Variants in SGCZ observed in about 807,000 individuals in gnomAD.
The protein encoded by SGCZ is sarcoglycan zeta.
In SGCZ, 40 loss-of-function variants were observed where a neutral mutation model predicts 41.3. That is an observed-to-expected ratio of 0.97 (90% CI 0.75 to 1.26). The LOEUF (loss-of-function observed/expected upper bound fraction) is 1.26. SGCZ is among the 50% of genes most tolerant of loss of function. SGCZ has a pLI of 0.00. For synonymous variants in SGCZ, 206 were observed against 137.5 expected (o/e 1.50, Z -3.49); for missense variants, 552 against 369.8 (o/e 1.49, Z -4.04).
chr8:14,434,228 C>A lies in SGCZ; in HGVS notation c.235-110024G>T, dbSNP rs566436528. ...AGCACCATTTGTTGAATAGGGTGTC[C>A]TTTCTCCACTTCATGTTTTGTTTGC... On this transcript the variant is annotated intron_variant, in intron 2 of 7. Transcript: ENST00000382080. Among the ~76,000 whole-genome samples the A allele has an allele frequency of 2.1e-4, 32 of 152,170 alleles. No homozygotes were observed. In the South Asian group the frequency reaches 6.6e-3, roughly 32 times the overall value.
chr8:14,228,230 C>T (rs1346625193), intron 4 of SGCZ, among the ~76,000 whole-genome samples: 1 of 152,040 alleles, frequency 6.6e-6, no homozygotes, highest in African/African-American at 2.4e-5. Flanking sequence ...AACTCCAATG[C>T]ACCTGCAATT....
chr8:15,170,146 A>G (rs1799785241), intron 1 of SGCZ, among the ~76,000 whole-genome samples: 1 of 152,078 alleles, frequency 6.6e-6, no homozygotes, highest in African/African-American at 2.4e-5. Context: ...CCATGTGCAG[A>G]CTGAAGTTAT....
At chr8:15,184,589 G>A (rs894632165) in intron 1 of SGCZ, among the ~76,000 whole-genome samples, 7 of 151,770 alleles carry the variant, frequency 4.6e-5, no homozygotes, top group African/African-American at 1.5e-4. Flanking sequence ...CTTGCACTCT[G>A]GCCTCACTAG....
chr8:14,688,861 AT>A (rs1808705545), intron 1 of SGCZ, among the ~76,000 whole-genome samples: 1 of 152,122 alleles, frequency 6.6e-6, no homozygotes, highest in Non-Finnish European at 1.5e-5. Flanking sequence ...TATCTAGAAA[AT>A]CCCATTGTCT....
chr8:14,507,012 C>T (rs1459307512), intron 2 of SGCZ, among the ~76,000 whole-genome samples: 1 of 151,518 alleles, frequency 6.6e-6, no homozygotes, highest in Non-Finnish European at 1.5e-5. Context: ...CATCTCTATG[C>T]TAAGAATTCC....
intron 2 of SGCZ, among the ~76,000 whole-genome samples, chr8:14,481,466 A>G (rs1801532961): frequency 6.6e-6 from 1 of 152,218 alleles, no homozygotes; most frequent in South Asian, 2.1e-4. Flanking sequence ...TTGTGACAGT[A>G]ATAGTAAAAA....
At chr8:14,419,274 A>G (rs1799577097) in intron 2 of SGCZ, among the ~76,000 whole-genome samples, 1 of 151,990 alleles carries the variant, frequency 6.6e-6, no homozygotes, top group South Asian at 2.1e-4. Context: ...CCAGAAAAAA[A>G]TGTCCTAACA....
intron 2 of SGCZ, among the ~76,000 whole-genome samples, chr8:14,528,295 A>G (rs1379249226): frequency 6.6e-6 from 1 of 152,158 alleles, no homozygotes; most frequent in Non-Finnish European, 1.5e-5. Flanking sequence ...GAATTATACC[A>G]TCTGGGATAT....
intron 2 of SGCZ, among the ~76,000 whole-genome samples, chr8:14,466,471 T>G (rs995528093): frequency 6.6e-6 from 1 of 151,992 alleles, no homozygotes; most frequent in Non-Finnish European, 1.5e-5. Flanking sequence ...TTTATTATAC[T>G]TGGAGCCACT....
intron 1 of SGCZ, among the ~76,000 whole-genome samples, chr8:15,085,925 T>G (rs946266420): frequency 6.6e-5 from 10 of 152,156 alleles, no homozygotes; most frequent in Admixed American, 3.3e-4. Flanking sequence ...TGCTACAAAA[T>G]GTGGGTTTCT....
At chr8:14,493,353 T>G in intron 2 of SGCZ, among the ~76,000 whole-genome samples, 1 of 131,498 alleles carries the variant, frequency 7.6e-6, no homozygotes, top group Non-Finnish European at 1.6e-5. Flanking sequence ...CCCACTATCA[T>G]CCTTTCTTTT....
intron 5 of SGCZ, among the ~76,000 whole-genome samples, chr8:14,157,084 C>T (rs1477577050): frequency 6.6e-6 from 1 of 151,806 alleles, no homozygotes; most frequent in Non-Finnish European, 1.5e-5. Context: ...TGACTGGCTG[C>T]AAAGTAGGTT....
At chr8:14,293,732 A>G (rs528229432) in intron 3 of SGCZ, among the ~76,000 whole-genome samples, 1 of 151,950 alleles carries the variant, frequency 6.6e-6, no homozygotes, top group South Asian at 2.1e-4. Flanking sequence ...TTGATCTGAG[A>G]TGTAGAATTC....
chr8:14,235,896 G>T (rs1806741121), intron 4 of SGCZ, among the ~76,000 whole-genome samples: 1 of 152,128 alleles, frequency 6.6e-6, no homozygotes, highest in Non-Finnish European at 1.5e-5. Flanking sequence ...TGTTGGACAG[G>T]ATGATCTCGA....
intron 1 of SGCZ, among the ~76,000 whole-genome samples, chr8:15,064,819 C>T (rs1435406626): frequency 6.6e-6 from 1 of 152,164 alleles, no homozygotes; most frequent in Non-Finnish European, 1.5e-5. Flanking sequence ...CTTGGCAATA[C>T]TCATAGTCTC....
rs1269482011 is a variant in SGCZ, at chr8:14,089,671, T to A, written c.*772A>T. 6.6e-6 allele frequency among the ~76,000 whole-genome samples: 1 copy of A among 152,010 alleles called. No homozygotes were observed. Among genetic ancestry groups the A allele is most frequent in the Non-Finnish European group, 1.5e-5 (1 of 67,984 alleles). ...GAGTAGATGTTTTGTTAAAAGCAAA[T>A]ACGTCACATGCAGTAGCCATGTAAA... On this transcript the variant is annotated 3_prime_UTR_variant, in exon 8 of 8. Coordinates refer to ENST00000382080, the MANE Select transcript of SGCZ (RefSeq NM_139167.4).
At chr8:15,112,294 T>G (rs968914466) in intron 1 of SGCZ, among the ~76,000 whole-genome samples, 1 of 152,226 alleles carries the variant, frequency 6.6e-6, no homozygotes, top group African/African-American at 2.4e-5. Flanking sequence ...TTGTTGCTAT[T>G]TAAATTTGTT....
intron 1 of SGCZ, among the ~76,000 whole-genome samples, chr8:14,732,225 C>T (rs1798880514): frequency 6.6e-6 from 1 of 152,142 alleles, no homozygotes; most frequent in South Asian, 2.1e-4. Flanking sequence ...CTCTCTTCCA[C>T]CAGCTTTAAA....
At chr8:14,111,615 T>A (rs1802374141) in intron 5 of SGCZ, among the ~76,000 whole-genome samples, 1 of 152,196 alleles carries the variant, frequency 6.6e-6, no homozygotes, top group Admixed American at 6.5e-5. Flanking sequence ...CTACAAAGGA[T>A]GTTTCAGATA....
Sources: allele counts gnomAD v4.1 joint callset (sites outside exome capture counted in the v4.1 genomes callset), GRCh38; gene constraint gnomAD v4.1.1; transcripts MANE v1.5; gene names NCBI Gene and HGNC (gene_info 2026-07-23, HGNC 2026-07-21).